The following ULK1 variants were observed in gnomAD, a reference collection of about 807,000 sequenced individuals.
ULK1 encodes the protein serine/threonine-protein kinase ULK1.
Under a neutral mutation model 117.5 loss-of-function variants are expected in ULK1, and 48 were observed. The observed-to-expected ratio is 0.41, with a 90% confidence interval of 0.32 to 0.52. The LOEUF (loss-of-function observed/expected upper bound fraction) is 0.52. Among genes scored for constraint, ULK1 ranks in the 20% least tolerant of loss-of-function variants. The pLI, the probability that ULK1 is intolerant of heterozygous loss-of-function variation, is 0.29. For synonymous variants in ULK1, 790 were observed against 637.8 expected, an observed-to-expected ratio of 1.24 and a Z score of -3.60; for missense variants, 1,387 against 1,473.4, an observed-to-expected ratio of 0.94 and a Z score of 0.96.
chr12:131,907,402 A>C, intron 4 of ULK1, 93 bp from the exon 5 acceptor site: 1 of 1,491,850 alleles, frequency 6.7e-7, no homozygotes. Flanking sequence ...CTCAGGGAGT[A>C]GTGTCCAAGT....
rs1889554237 is a variant in ULK1, at chr12:131,911,926, C to T, written c.949-16C>T. ...GTCCCTGAGACCTGCTCACCAGCCC[C>T]TCCGTTGACTCTCAGTCCCTGGGCG... On this transcript the variant is annotated splice_polypyrimidine_tract_variant and intron_variant, in intron 12 of 27. Coordinates refer to ENST00000321867, the MANE Select transcript of ULK1 (RefSeq NM_003565.4). The T allele has an allele frequency of 5.6e-6, 9 of 1,612,714 alleles. No homozygotes were observed. In the East Asian group the frequency reaches 2.0e-4, roughly 36 times the overall value.
chr12:131,920,898 G>A, intron 26 of ULK1: 1 of 710,858 alleles, frequency 1.4e-6, no homozygotes, highest in Non-Finnish European at 2.2e-6. Context: ...GCTGGCCAGG[G>A]TCATCTGGTT....
At position 131,916,766 on chromosome 12, in the gene ULK1, C is replaced by A. The variant is rs536430459; in HGVS notation, c.2072+175C>A. On this transcript the variant is annotated intron_variant, in intron 20 of 27. Transcript: ENST00000321867. ...TGGCCCACCTGTGGCTGGCCCTAGACCCACAGCAGGTCCCCGTCCTGAGCC... is the reference window on the plus strand; with the variant it reads ...TGGCCCACCTGTGGCTGGCCCTAGAACCACAGCAGGTCCCCGTCCTGAGCC... Among the ~76,000 whole-genome samples, 15 of 152,256 alleles carry A rather than the reference C, an allele frequency of 9.9e-5. No individual in the cohort carries two copies. The South Asian group carries it at 3.1e-3, about 32-fold the overall frequency.
Position 131,922,055 on chromosome 12 carries a change from T to C in ULK1, c.*694T>C, listed in dbSNP as rs774918603. On this transcript the variant is annotated 3_prime_UTR_variant, in exon 28 of 28. Transcript: ENST00000321867. ...TGCGCTAGAGGCAGAGGCAGTTCTT[T>C]GTTCAAGCGTTCCTCTGGGGACCGG... 350 of 453,642 alleles carry C rather than the reference T, an allele frequency of 7.7e-4. No individual in the cohort carries two copies. The highest frequency in any genetic ancestry group is 1.5e-3 in the Admixed American group (64 of 42,466). 28.1% of individuals were successfully genotyped at this position (453,642 alleles called of 1,614,324 possible).
chr12:131,921,259 G>GGA (rs1566131792), intron 27 of ULK1, 24 bp downstream of exon 27: 1 of 1,608,082 alleles, frequency 6.2e-7, no homozygotes, highest in South Asian at 1.1e-5. Context: ...TGGGCTGGGG[G>GGA]CTGGGGACTC....
chr12:131,905,174 C>T lies in ULK1; in HGVS notation c.247-1718C>T, dbSNP rs1020072326. Among the ~76,000 whole-genome samples, 13 of 152,276 alleles carry T rather than the reference C, an allele frequency of 8.5e-5. No homozygotes were observed. The Middle Eastern group carries it at 0.01, about 120-fold the overall frequency. On this transcript the variant is annotated intron_variant, in intron 3 of 27. Transcript: ENST00000321867. Reference sequence around the variant, plus strand: ...GGATCCTGGGGTTGCTGCCTGAGCACCATCGGCCTTAGCCTCCCTAAAGGC... The same window carrying T: ...GGATCCTGGGGTTGCTGCCTGAGCATCATCGGCCTTAGCCTCCCTAAAGGC...
rs1890185650 is a variant in ULK1, at chr12:131,922,341, C to T, written c.*980C>T. On this transcript the variant is annotated 3_prime_UTR_variant, in exon 28 of 28. Coordinates refer to ENST00000321867, the MANE Select transcript of ULK1 (RefSeq NM_003565.4). ...CTGCCGCCCCTCCCTGTGGCAGCAG[C>T]AGGACAGGTGTGTGCCCAGCACCCT... 1 of 325,190 alleles carries T rather than the reference C, an allele frequency of 3.1e-6. No individual in the cohort carries two copies. The highest frequency in any genetic ancestry group is 2.2e-5 in the African/African-American group (1 of 45,926). 20.1% of individuals were successfully genotyped at this position (325,190 alleles called of 1,614,324 possible).
At chr12:131,918,809 GTGTGTGGGGTGTAGAGTGTGT>G (rs1889994348) in intron 23 of ULK1, 128 bp downstream of exon 23, 1 of 721,916 alleles carries the variant, frequency 1.4e-6, no homozygotes, top group Non-Finnish European at 2.1e-6. Flanking sequence ...GTGGGGTGTA[GTGTGTGGGGTGTAGAGTGTGT>G]GGGGTGTGGG....
In ULK1 at chr12:131,913,278, C is replaced by A; in HGVS notation, c.1157+20C>A. On this transcript the variant is annotated intron_variant, in intron 14 of 27. Transcript: ENST00000321867. The stretch of plus-strand genomic sequence containing the variant: ...CAGTGGGTGAGCCCCCATCCCTTAC[C>A]TCTGTATTTTAGGGGAGAGAAACTG... 1 of 1,537,658 alleles carries A rather than the reference C, an allele frequency of 6.5e-7. No homozygotes were observed. Among genetic ancestry groups the A allele is most frequent in the Admixed American group, 2.1e-5 (1 of 46,550 alleles).
At chr12:131,916,238 C>A in intron 19 of ULK1, 79 bp downstream of exon 19, 1 of 1,554,350 alleles carries the variant, frequency 6.4e-7, no homozygotes, top group Non-Finnish European at 8.7e-7. Context: ...GAACAAAGAC[C>A]GAGGAAGGCA....
At chr12:131,918,878 G>C (rs111924605) in intron 23 of ULK1, among the ~76,000 whole-genome samples, 197 bp downstream of exon 23, 1 of 2,536 alleles carries the variant, frequency 3.9e-4, no homozygotes, top group Non-Finnish European at 1.3e-3. Flanking sequence ...GTGGGGTGTC[G>C]GGTGTGTGGG....
chr12:131,913,429 C>T (rs1329358214), intron 14 of ULK1, among the ~76,000 whole-genome samples, 171 bp downstream of exon 14: 1 of 151,162 alleles, frequency 6.6e-6, no homozygotes, highest in African/African-American at 2.4e-5. Context: ...CCCGTGGTGG[C>T]TCACGCCTGT....
Position 131,909,798 on chromosome 12 carries a change from C to T in ULK1, c.690C>T (p.Arg230=), listed in dbSNP as rs1304709826. The T allele has an allele frequency of 6.2e-7, 1 of 1,610,936 alleles. No homozygotes were observed. The highest frequency in any genetic ancestry group is 2.2e-5 in the East Asian group (1 of 44,828). Residue 230 remains arginine, a synonymous_variant, in exon 9 of 28, where the codon CGC becomes CGT. Coordinates refer to ENST00000321867, the MANE Select transcript of ULK1 (RefSeq NM_003565.4). ...PFQASSPQDL[R]LFYEKNKTLV... The stretch of plus-strand genomic sequence containing the variant: ...AGGCCAGCAGCCCCCAGGACCTGCG[C>T]CTGTTCTACGAGAAGAACAAGACGT...
In ULK1 at chr12:131,917,570, G is replaced by C. The variant is rs1435139181; in HGVS notation, c.2326+16G>C. The C allele has an allele frequency of 2.8e-6, 4 of 1,403,632 alleles. No individual in the cohort carries two copies. The highest frequency in any genetic ancestry group is 3.7e-6 in the Non-Finnish European group (4 of 1,072,466). 86.9% of individuals were successfully genotyped at this position (1,403,632 alleles called of 1,614,324 possible). On this transcript the variant is annotated intron_variant, in intron 22 of 27. Coordinates refer to ENST00000321867, the MANE Select transcript of ULK1 (RefSeq NM_003565.4). ...ATGTTCTCAGGTGAGGGCTGGCTAG[G>C]CTGAAGCCCTGTCCCTTTTGGGGTG... is the stretch of plus-strand genomic sequence containing the variant.
At position 131,916,446 on chromosome 12, in the gene ULK1, C is replaced by A; in HGVS notation, c.1927C>A (p.Leu643Met). 1 of 1,609,432 alleles carries A rather than the reference C, an allele frequency of 6.2e-7. No homozygotes were observed. Among genetic ancestry groups the A allele is most frequent in the Non-Finnish European group, 8.5e-7 (1 of 1,178,528 alleles). Reference sequence around the variant, plus strand: ...GAAGACCCCCAGCTCCCAGAACCTGCTGGCCCTCCTAGCCCGGCAGGGCGT... The same window carrying A: ...GAAGACCCCCAGCTCCCAGAACCTGATGGCCCTCCTAGCCCGGCAGGGCGT... ...FPKTPSSQNLLALLARQGVVM... is the reference protein window; with the variant it reads ...FPKTPSSQNLMALLARQGVVM... The change falls in exon 20 of 28, where the codon CTG (leucine) becomes ATG (methionine). Residue 643 changes from leucine (L) to methionine (M), a missense_variant. Physicochemically the swap from Leu to Met is conservative, Grantham distance 15 (BLOSUM62 2). Coordinates refer to ENST00000321867, the MANE Select transcript of ULK1 (RefSeq NM_003565.4).
chr12:131,913,725 T>C, intron 14 of ULK1, 22 bp from the exon 15 acceptor site: 1 of 1,468,636 alleles, frequency 6.8e-7, no homozygotes. Flanking sequence ...AAAATGCCCT[T>C]GGCCTCCCTT....
chr12:131,920,052 C>T lies in ULK1; in HGVS notation c.2877C>T (p.Arg959=), dbSNP rs1238204733. The part of the protein sequence containing the change: ...SCQGLSLRLQ[R]FFLDKQRLLD... ...AGGGCCTGAGCCTGCGGCTGCAGCG[C>T]TTCTTCCTGGACAAGCAGCGGCTCC... Residue 959 remains arginine (R), a synonymous_variant, in exon 26 of 28, where the codon CGC becomes CGT. Coordinates refer to ENST00000321867, the MANE Select transcript of ULK1 (RefSeq NM_003565.4). 6.2e-7 allele frequency: 1 copy of T among 1,612,730 alleles called. No homozygotes were observed. Among genetic ancestry groups the T allele is most frequent in the Non-Finnish European group, 8.5e-7 (1 of 1,179,988 alleles).
chr12:131,914,943 G>A lies in ULK1; in HGVS notation c.1374-140G>A, dbSNP rs769511257. On this transcript the variant is annotated intron_variant, in intron 16 of 27. Transcript: ENST00000321867. ...AGAGGATGAGCCATCTGTCAGCACT[G>A]TAGCCACTTGGCGTGGCATGGGGTC... 1.2e-5 allele frequency: 15 copies of A among 1,279,540 alleles called. No homozygotes were observed. In the Admixed American group the frequency reaches 3.1e-4, roughly 27 times the overall value. The allele number at this position is 1,279,540 out of a possible 1,614,324, so 79.3% of individuals were successfully genotyped here.
Position 131,921,948 on chromosome 12 carries a change from C to G in ULK1, c.*587C>G. On this transcript the variant is annotated 3_prime_UTR_variant, in exon 28 of 28. Transcript: ENST00000321867. ...CACATATGCAGACACATGCCAGGGC[C>G]CCCCAAGCCCGAGCACCGGACCACG... 2.2e-6 allele frequency: 1 copy of G among 456,348 alleles called. No individual in the cohort carries two copies. Among genetic ancestry groups the G allele is most frequent in the South Asian group, 1.5e-5 (1 of 64,566 alleles). 28.3% of individuals were successfully genotyped at this position (456,348 alleles called of 1,614,324 possible). A position where few individuals can be genotyped will look rare whatever the true frequency, so the allele number is the denominator to read the frequency against.
Sources: allele counts gnomAD v4.1 joint callset (sites outside exome capture counted in the v4.1 genomes callset), GRCh38; gene constraint gnomAD v4.1.1; transcripts MANE v1.5; gene names NCBI Gene and HGNC (gene_info 2026-07-23, HGNC 2026-07-21).